DOCK10: variants seen among roughly 807,000 people sequenced by gnomAD.
DOCK10 encodes the protein dedicator of cytokinesis 10.
In DOCK10, 145 loss-of-function variants were observed where a neutral mutation model predicts 280.1. The ratio of observed to expected loss-of-function variants is 0.52; its 90% CI spans 0.45 to 0.59. The LOEUF (loss-of-function observed/expected upper bound fraction) is 0.59. Among genes scored for constraint, DOCK10 ranks in the 20% least tolerant of loss-of-function variants. The pLI is 0.00. For synonymous variants in DOCK10, 915 were observed against 942.2 expected (o/e 0.97, Z 0.53); for missense variants, 2,368 against 2,651.7 (o/e 0.89, Z 2.35).
intron 1 of DOCK10, among the ~76,000 whole-genome samples, chr2:225,017,048 A>G (rs1689629559): frequency 6.6e-6 from 1 of 151,458 alleles, no homozygotes; most frequent in Non-Finnish European, 1.5e-5. Context: ...AAGTGTTGTA[A>G]ACTCAAGCCT....
chr2:224,810,668 T>C (rs1693709491), intron 31 of DOCK10, among the ~76,000 whole-genome samples: 1 of 124,306 alleles, frequency 8.0e-6, no homozygotes, highest in Non-Finnish European at 1.6e-5. Context: ...CAGAGTGTGA[T>C]GTTCCCCTTC....
chr2:224,772,169 T>C (rs10187561), intron 53 of DOCK10, among the ~76,000 whole-genome samples: 2,715 of 152,078 alleles, frequency 0.018, 73 homozygotes, highest in African/African-American at 0.057. Context: ...GATCCATCCA[T>C]CTCGGCCTCC....
chr2:224,821,126 C>T (rs1032243217), intron 28 of DOCK10, among the ~76,000 whole-genome samples: 3 of 152,150 alleles, frequency 2.0e-5, no homozygotes, highest in Non-Finnish European at 4.4e-5. Context: ...GGCATAATTG[C>T]TGAAAAAATA....
chr2:224,916,341 G>A (rs1440912116), intron 3 of DOCK10, among the ~76,000 whole-genome samples: 1 of 152,214 alleles, frequency 6.6e-6, no homozygotes, highest in East Asian at 1.9e-4. Context: ...AAGAGTTCGA[G>A]AGCAGCCTGG....
chr2:224,873,594 CAAAAAAA>C (rs35401247), intron 11 of DOCK10, among the ~76,000 whole-genome samples: 7 of 33,662 alleles, frequency 2.1e-4, no homozygotes, highest in Admixed American at 3.9e-4. Flanking sequence ...AAGACCATCT[CAAAAAAA>C]AAAAAAAAAA....
At chr2:224,881,048 A>G (rs1181868134) in intron 7 of DOCK10, among the ~76,000 whole-genome samples, 1 of 152,214 alleles carries the variant, frequency 6.6e-6, no homozygotes, top group Admixed American at 6.5e-5. Flanking sequence ...CCCTCATTGA[A>G]CTTACCTTCT....
rs186303623 is a variant in DOCK10 at position 224,806,341 on chromosome 2, T to C, written c.3703-104A>G. 97 of 619,328 alleles carry C rather than the reference T, an allele frequency of 1.6e-4. No homozygotes were observed. In the African/African-American group the frequency reaches 1.7e-3, roughly 11 times the overall value. The allele number at this position is 619,328 out of a possible 1,614,324, so 38.4% of individuals were successfully genotyped here. A position where few individuals can be genotyped will look rare whatever the true frequency, so the allele number is the denominator to read the frequency against. On this transcript the variant is annotated intron_variant, in intron 33 of 55. Transcript: ENST00000258390. Reference sequence around the variant, plus strand: ...CACTTCCAATTAAGTGATATTTAATTTGTTCTTTTATATCCCCTTACAGGT... The same window carrying C: ...CACTTCCAATTAAGTGATATTTAATCTGTTCTTTTATATCCCCTTACAGGT...
chr2:224,811,173 C>T (rs1320239130), intron 31 of DOCK10, among the ~76,000 whole-genome samples: 3 of 152,174 alleles, frequency 2.0e-5, no homozygotes, highest in Non-Finnish European at 1.5e-5. Context: ...TAATGATCGC[C>T]ATTCTAGCTG....
intron 1 of DOCK10, among the ~76,000 whole-genome samples, chr2:224,988,498 G>T (rs1706033778): frequency 6.6e-6 from 1 of 152,322 alleles, no homozygotes; most frequent in Admixed American, 6.5e-5. Flanking sequence ...AGGCAGTGCT[G>T]TGATCATCCC....
intron 16 of DOCK10, 106 bp downstream of exon 16, chr2:224,854,857 A>G: frequency 3.7e-6 from 1 of 270,612 alleles, no homozygotes; most frequent in South Asian, 4.3e-5. Context: ...CCAACTAGCC[A>G]ACCAACCAAC....
chr2:224,805,671 T>C lies in DOCK10; in HGVS notation c.3815-142A>G. 2 of 1,109,340 alleles carry C rather than the reference T, an allele frequency of 1.8e-6. No individual in the cohort carries two copies. Among genetic ancestry groups the C allele is most frequent in the South Asian group, 3.2e-5 (2 of 62,118 alleles). 68.7% of individuals were successfully genotyped at this position (1,109,340 alleles called of 1,614,324 possible). ...AAGACCAACATAACAGCGTCTGGGA[T>C]TGGCATTAAAGCCAGCTCTTGTTTT... is the stretch of plus-strand genomic sequence containing the variant. On this transcript the variant is annotated intron_variant, in intron 34 of 55. Transcript: ENST00000258390. The surrounding 1 kb of genome is among the most constrained non-coding windows in gnomAD (Gnocchi z 4.3).
chr2:224,886,616 T>C (rs1397996255), intron 4 of DOCK10, 85 bp from the exon 5 acceptor site: 5 of 1,023,648 alleles, frequency 4.9e-6, no homozygotes, highest in Non-Finnish European at 7.2e-6. Flanking sequence ...CAATAACAAC[T>C]ATGGTGCTGG....
chr2:224,920,797 G>A (rs1167006045), intron 2 of DOCK10, among the ~76,000 whole-genome samples: 1 of 151,692 alleles, frequency 6.6e-6, no homozygotes, highest in Non-Finnish European at 1.5e-5. Context: ...TAAGTCTGAT[G>A]GAGAGTAGAG....
intron 2 of DOCK10, among the ~76,000 whole-genome samples, chr2:224,924,188 AC>A (rs1469296342): frequency 1.3e-5 from 2 of 152,212 alleles, no homozygotes; most frequent in Non-Finnish European, 2.9e-5. Context: ...TTTTAAAAAA[AC>A]CATCTAATTG....
intron 1 of DOCK10, among the ~76,000 whole-genome samples, chr2:225,041,613 G>T (rs1435058339): frequency 6.6e-6 from 1 of 152,174 alleles, no homozygotes; most frequent in African/African-American, 2.4e-5. Context: ...ATCAGAAACC[G>T]CTGGAGACCT....
At chr2:224,959,743 T>C (rs73081872) in intron 1 of DOCK10, among the ~76,000 whole-genome samples, 1,841 of 152,344 alleles carry the variant, frequency 0.012, 35 homozygotes, top group African/African-American at 0.041. Context: ...ATTTTTAACA[T>C]CTCATTACTT....
At chr2:224,766,487 C>T (rs1057495649) in intron 55 of DOCK10, among the ~76,000 whole-genome samples, 1 of 152,154 alleles carries the variant, frequency 6.6e-6, no homozygotes, top group African/African-American at 2.4e-5. Flanking sequence ...GTAAGTGCCC[C>T]AAAGAGCACT....
At chr2:224,811,767 C>G (rs1574861926) in intron 31 of DOCK10, among the ~76,000 whole-genome samples, 1 of 150,888 alleles carries the variant, frequency 6.6e-6, no homozygotes, top group Non-Finnish European at 1.5e-5. Context: ...GCTTGTTTTT[C>G]TCAGGTTTGT....
At chr2:224,892,397 C>CAAAAAAAAAAAAAAA (rs1174651393) in intron 4 of DOCK10, among the ~76,000 whole-genome samples, 8 of 52,248 alleles carry the variant, frequency 1.5e-4, no homozygotes, top group East Asian at 8.1e-4. Flanking sequence ...GACCCTGTCT[C>CAAAAAAAAAAAAAAA]AAAAAAAAAA....
Sources: allele counts gnomAD v4.1 joint callset (sites outside exome capture counted in the v4.1 genomes callset), GRCh38; gene constraint gnomAD v4.1.1; non-coding constraint Gnocchi (gnomAD v3.1); transcripts MANE v1.5; gene names NCBI Gene and HGNC (gene_info 2026-07-23, HGNC 2026-07-21).